The following WWC2 variants were observed in gnomAD, a reference collection of about 807,000 sequenced individuals.
WWC2 encodes the protein WW and C2 domain containing 2, also known as protein WWC2.
Under a neutral mutation model 138.5 loss-of-function variants are expected in WWC2, and 101 were observed. The ratio of observed to expected loss-of-function variants is 0.73; its 90% CI spans 0.62 to 0.86. WWC2 has a LOEUF of 0.86. WWC2 is among the 40% of genes least tolerant of loss of function. WWC2 has a pLI of 0.00. For missense variants in WWC2, 1,420 were observed against 1,419.4 expected (o/e 1.00, Z -0.01); for synonymous variants, 558 against 538.4 (o/e 1.04, Z -0.50).
At chr4:183,115,740 G>T (rs906042383) in intron 1 of WWC2, among the ~76,000 whole-genome samples, 2 of 152,100 alleles carry the variant, frequency 1.3e-5, no homozygotes, top group African/African-American at 4.8e-5. Flanking sequence ...ATAGATTCTG[G>T]ATTTCAGACC....
chr4:183,193,707 C>T lies in WWC2; in HGVS notation c.240C>T (p.Asn80=), dbSNP rs757476817. The part of the protein sequence containing the change: ...QIGVYYIDHI[N]KTTQIEDPRK... ...GTGTCTACTACATCGATCACATCAA[C>T]AGTAAGTTTTCCTTTTTGGTAAAAG... Residue 80 remains asparagine, a splice_region_variant and synonymous_variant, in exon 2 of 23, where the codon AAC becomes AAT. Coordinates refer to ENST00000403733, the MANE Select transcript of WWC2 (RefSeq NM_024949.6). The T allele has an allele frequency of 2.5e-6, 4 of 1,611,916 alleles. No individual in the cohort carries two copies. The highest frequency in any genetic ancestry group is 3.4e-6 in the Non-Finnish European group (4 of 1,178,640).
intron 21 of WWC2, among the ~76,000 whole-genome samples, chr4:183,311,655 C>T (rs369042777): frequency 2.0e-5 from 3 of 149,042 alleles, no homozygotes; most frequent in East Asian, 4.0e-4. Flanking sequence ...TCTCGGCTCA[C>T]TGCAAGCTCC....
At chr4:183,152,699 A>G (rs1485504139) in intron 1 of WWC2, among the ~76,000 whole-genome samples, 1 of 151,908 alleles carries the variant, frequency 6.6e-6, no homozygotes. Context: ...CCTGGCCAAC[A>G]TGGTGAAACC....
At position 183,319,959 on chromosome 4, in the gene WWC2, G is replaced by C; in HGVS notation, c.*4230G>C. The C allele has an allele frequency of 6.2e-7, 1 of 1,613,480 alleles. No homozygotes were observed. The highest frequency in any genetic ancestry group is 8.5e-7 in the Non-Finnish European group (1 of 1,179,626). ...CAGGCCCAGAAATCCCAGCCCATTT[G>C]ACAGAAACATTAAGATCCTGGAGAC... On this transcript the variant is annotated 3_prime_UTR_variant, in exon 23 of 23. Transcript: ENST00000403733.
intron 1 of WWC2, among the ~76,000 whole-genome samples, chr4:183,182,027 T>C (rs965396258): frequency 1.8e-4 from 28 of 152,306 alleles, no homozygotes; most frequent in African/African-American, 6.5e-4. Flanking sequence ...TTGTACATAA[T>C]ATTATATCTA....
chr4:183,136,389 C>T (rs1324885505), intron 1 of WWC2, among the ~76,000 whole-genome samples: 2 of 152,104 alleles, frequency 1.3e-5, no homozygotes, highest in African/African-American at 4.8e-5. Flanking sequence ...TGTGAAACTT[C>T]TTATTTGAAT....
chr4:183,261,533 G>A lies in WWC2; in HGVS notation c.1909+1G>A, dbSNP rs1410415541. On this transcript the variant is annotated splice_donor_variant, in intron 11 of 22. Transcript: ENST00000403733. LOFTEE classifies it high-confidence loss of function. ...GAGCCATTATATGAAGGAACTGCAG[G>A]TAAATGCAGCCCTTTGCTTTCATGT... The A allele has an allele frequency of 4.4e-6, 7 of 1,608,910 alleles. No individual in the cohort carries two copies. Among genetic ancestry groups the A allele is most frequent in the Non-Finnish European group, 5.1e-6 (6 of 1,177,496 alleles).
intron 1 of WWC2, among the ~76,000 whole-genome samples, chr4:183,149,839 C>G (rs143759926): frequency 1.6e-4 from 25 of 151,928 alleles, no homozygotes; most frequent in African/African-American, 6.0e-4. Flanking sequence ...TGTCTAGATC[C>G]GTGAATTAAT....
chr4:183,246,077 C>A (rs936663461), intron 6 of WWC2, among the ~76,000 whole-genome samples: 2 of 152,206 alleles, frequency 1.3e-5, no homozygotes, highest in Admixed American at 6.5e-5. Flanking sequence ...CCTAGCAAAG[C>A]TGCCAATGGC....
chr4:183,125,297 T>C (rs1478072830), intron 1 of WWC2, among the ~76,000 whole-genome samples: 1 of 152,212 alleles, frequency 6.6e-6, no homozygotes, highest in African/African-American at 2.4e-5. Flanking sequence ...TCTGCACATA[T>C]TTCTAGTTAT....
chr4:183,230,797 GAA>G (rs112801232), intron 4 of WWC2, among the ~76,000 whole-genome samples: 4,843 of 152,112 alleles, frequency 0.032, 240 homozygotes, highest in African/African-American at 0.11. Context: ...TCAAAAGTAA[GAA>G]GAGAAAATGA....
chr4:183,237,152 T>C (rs1736452681), intron 4 of WWC2, among the ~76,000 whole-genome samples: 1 of 152,242 alleles, frequency 6.6e-6, no homozygotes, highest in Non-Finnish European at 1.5e-5. Context: ...GCTTGTTTTA[T>C]AGTTTTCATT....
At chr4:183,286,731 A>G (rs1738266090) in intron 20 of WWC2, among the ~76,000 whole-genome samples, 1 of 152,248 alleles carries the variant, frequency 6.6e-6, no homozygotes. Context: ...GTGACTACAG[A>G]GCACCACATG....
chr4:183,286,544 T>C (rs1738261190), intron 20 of WWC2, among the ~76,000 whole-genome samples: 1 of 152,132 alleles, frequency 6.6e-6, no homozygotes, highest in African/African-American at 2.4e-5. Flanking sequence ...CGGGTGGCAT[T>C]TTCCTGGAGG....
At chr4:183,145,199 G>A (rs1488390334) in intron 1 of WWC2, among the ~76,000 whole-genome samples, 1 of 152,050 alleles carries the variant, frequency 6.6e-6, no homozygotes, top group Non-Finnish European at 1.5e-5. Flanking sequence ...GCCCTCATAG[G>A]GTTGTTAAAG....
intron 1 of WWC2, among the ~76,000 whole-genome samples, chr4:183,184,556 C>G (rs942577398): frequency 6.6e-6 from 1 of 152,150 alleles, no homozygotes; most frequent in African/African-American, 2.4e-5. Context: ...AATTGCTAAA[C>G]CATTTTCTAC....
At chr4:183,255,358 ATTTGT>A (rs1047255019) in intron 9 of WWC2, among the ~76,000 whole-genome samples, 4 of 151,896 alleles carry the variant, frequency 2.6e-5, no homozygotes, top group African/African-American at 9.7e-5. Flanking sequence ...GGGAGAATTA[ATTTGT>A]TTTTGTTGTT....
chr4:183,247,372 T>C (rs1317943147), intron 6 of WWC2, among the ~76,000 whole-genome samples: 3 of 151,614 alleles, frequency 2.0e-5, no homozygotes, highest in Admixed American at 6.6e-5. Flanking sequence ...TGACTTTTTT[T>C]CACTGTATAG....
intron 2 of WWC2, among the ~76,000 whole-genome samples, chr4:183,199,689 C>CA (rs1009848222): frequency 1.2e-4 from 18 of 151,756 alleles, no homozygotes; most frequent in Admixed American, 5.3e-4. Flanking sequence ...GCATTATAGA[C>CA]AAAAAAAATC....
Sources: gnomAD v4.1 joint callset for allele counts (sites outside exome capture counted in the v4.1 genomes callset) on GRCh38, gnomAD v4.1.1 for gene constraint, MANE v1.5 for transcripts, NCBI Gene and HGNC (gene_info 2026-07-23, HGNC 2026-07-21) for gene names.